NRXN1: variants seen among roughly 807,000 people sequenced by gnomAD.
NRXN1 encodes neurexin-1.
In NRXN1, 39 loss-of-function variants were observed where a neutral mutation model predicts 150.9. The observed-to-expected ratio is 0.26, with a 90% confidence interval of 0.20 to 0.34. The LOEUF (loss-of-function observed/expected upper bound fraction) is 0.34, where lower values mean the gene tolerates loss of function less well. NRXN1 is among the 10% of genes least tolerant of loss of function. The pLI is 1.00. For missense variants in NRXN1, 1,815 were observed against 1,949.9 expected (o/e 0.93, Z 1.30); for synonymous variants, 924 against 757.0 (o/e 1.22, Z -3.62).
chr2:49,973,835 A>G lies in NRXN1; in HGVS notation c.4129-30044T>C, dbSNP rs1439527693. ...TTCAAGAAGAAATATTTTAACATAAATCTTAAAATTAGTTTATCCAAATGA... is the reference window on the plus strand; with the variant it reads ...TTCAAGAAGAAATATTTTAACATAAGTCTTAAAATTAGTTTATCCAAATGA... On this transcript the variant is annotated intron_variant, in intron 21 of 22. Coordinates refer to ENST00000401669, the MANE Select transcript of NRXN1 (RefSeq NM_001330078.2). 8.5e-6 allele frequency: 5 copies of G among 589,040 alleles called. No individual in the cohort carries two copies. The African/African-American group carries it at 9.3e-5, about 11-fold the overall frequency. 36.5% of individuals were successfully genotyped at this position (589,040 alleles called of 1,614,324 possible).
intron 5 of NRXN1, among the ~76,000 whole-genome samples, chr2:50,702,926 T>G (rs1354733116): frequency 4.6e-5 from 7 of 152,114 alleles, no homozygotes; most frequent in Admixed American, 3.9e-4. Context: ...CAGGATGCCC[T>G]TTTTGTTTTG....
At chr2:50,278,067 C>CTTTTT (rs548030464) in intron 17 of NRXN1, among the ~76,000 whole-genome samples, 1 of 75,748 alleles carries the variant, frequency 1.3e-5, no homozygotes, top group African/African-American at 5.7e-5. Flanking sequence ...TTCTCTCTCT[C>CTTTTT]TTTTTTTTTT....
chr2:50,157,576 G>A (rs560039223), intron 18 of NRXN1, among the ~76,000 whole-genome samples: 11 of 152,114 alleles, frequency 7.2e-5, no homozygotes, highest in African/African-American at 1.4e-4. Context: ...GCCCTGAGCT[G>A]TGTTTTTAAG....
intron 5 of NRXN1, among the ~76,000 whole-genome samples, chr2:50,693,584 G>A (rs1010188290): frequency 3.9e-4 from 60 of 152,066 alleles, no homozygotes; most frequent in African/African-American, 8.9e-4. Context: ...AAATAAATAC[G>A]TTGAATCAAT....
chr2:50,856,018 G>A (rs1023960510), intron 5 of NRXN1, among the ~76,000 whole-genome samples: 2 of 147,668 alleles, frequency 1.4e-5, no homozygotes, highest in Admixed American at 6.8e-5. Flanking sequence ...AACAGAACAC[G>A]AGTAGCCTTT....
chr2:50,629,234 T>C (rs563715752), intron 5 of NRXN1, among the ~76,000 whole-genome samples: 31 of 151,756 alleles, frequency 2.0e-4, no homozygotes, highest in African/African-American at 7.5e-4. Flanking sequence ...CAACCAATAA[T>C]AGAATGGATA....
chr2:50,983,544 A>C (rs1347065265), intron 2 of NRXN1, among the ~76,000 whole-genome samples: 6 of 152,130 alleles, frequency 3.9e-5, no homozygotes, highest in African/African-American at 1.4e-4. Flanking sequence ...GATCTCTTCA[A>C]ACACAGGACA....
chr2:50,435,338 A>C (rs1412152191), intron 17 of NRXN1, among the ~76,000 whole-genome samples: 1 of 152,228 alleles, frequency 6.6e-6, no homozygotes, highest in Non-Finnish European at 1.5e-5. Context: ...TACATTATGC[A>C]AACTATAAAA....
intron 2 of NRXN1, among the ~76,000 whole-genome samples, chr2:50,994,037 A>G (rs950944525): frequency 6.6e-6 from 1 of 151,932 alleles, no homozygotes; most frequent in Admixed American, 6.6e-5. Context: ...TTTGTTTACC[A>G]TGTTCTCTGT....
intron 5 of NRXN1, among the ~76,000 whole-genome samples, chr2:50,634,243 A>G (rs1365082462): frequency 1.3e-5 from 2 of 152,226 alleles, no homozygotes; most frequent in Admixed American, 1.3e-4. Context: ...TGTGGAAAAT[A>G]AACTCTGCGT....
At chr2:50,327,194 A>G (rs114528893) in intron 17 of NRXN1, among the ~76,000 whole-genome samples, 1,867 of 152,330 alleles carry the variant, frequency 0.012, 36 homozygotes, top group African/African-American at 0.043. Flanking sequence ...CATACAATGG[A>G]ATATGACTCA....
At chr2:49,962,624 TA>T (rs1676178018) in intron 21 of NRXN1, among the ~76,000 whole-genome samples, 1 of 152,000 alleles carries the variant, frequency 6.6e-6, no homozygotes. Flanking sequence ...TGATGGAGAG[TA>T]ACACAAGGGA....
chr2:50,091,129 T>G (rs976910155), intron 19 of NRXN1, among the ~76,000 whole-genome samples, 194 bp downstream of exon 19: 1 of 152,220 alleles, frequency 6.6e-6, no homozygotes. Context: ...CTTCACGTTC[T>G]CCTATAAAAT....
chr2:50,204,341 C>CGTGTGT lies in NRXN1; in HGVS notation c.3546+32442_3546+32447dup, dbSNP rs70946895. On this transcript the variant is annotated intron_variant, in intron 18 of 22. Transcript: ENST00000401669. ...TTTGAAATAAAAATATAAGAAATAC[C>CGTGTGT]GTGTGTGTGTGTGTGTGTGTGTGTG... 6.8e-3 allele frequency among the ~76,000 whole-genome samples: 757 copies of CGTGTGT among 111,464 alleles called. 4 individuals are homozygous for CGTGTGT. Among genetic ancestry groups the CGTGTGT allele is most frequent in the Non-Finnish European group, 0.011 (607 of 53,114 alleles). 73.1% of individuals were successfully genotyped at this position (111,464 alleles called of 152,430 possible). A position where few individuals can be genotyped will look rare whatever the true frequency, so the allele number is the denominator to read the frequency against.
In NRXN1 at chr2:50,331,670, G is replaced by C. The variant is rs368183466; in HGVS notation, c.3365-94700C>G. On this transcript the variant is annotated intron_variant, in intron 17 of 22. Coordinates refer to ENST00000401669, the MANE Select transcript of NRXN1 (RefSeq NM_001330078.2). ...AACAGCAATTGATCACTAATGTGAA[G>C]GTATCAGGTTTTAGGTAACTTCCAA... Among the ~76,000 whole-genome samples the C allele has an allele frequency of 8.5e-5, 13 of 152,260 alleles. No individual in the cohort carries two copies. The South Asian group carries it at 2.7e-3, about 32-fold the overall frequency.
intron 17 of NRXN1, among the ~76,000 whole-genome samples, chr2:50,336,343 G>A (rs1217473136): frequency 2.0e-5 from 3 of 152,186 alleles, no homozygotes. Flanking sequence ...TAAGAAATGA[G>A]TAGTAGAGAT....
intron 9 of NRXN1, among the ~76,000 whole-genome samples, chr2:50,548,601 T>C (rs957576677): frequency 1.3e-5 from 2 of 152,174 alleles, no homozygotes; most frequent in African/African-American, 4.8e-5. Context: ...TTTTAATCTT[T>C]AGTTTTTCTT....
At chr2:50,762,927 C>A (rs1301987954) in intron 5 of NRXN1, among the ~76,000 whole-genome samples, 1 of 151,944 alleles carries the variant, frequency 6.6e-6, no homozygotes, top group Non-Finnish European at 1.5e-5. Context: ...GTGGTGCAAG[C>A]TTCTTGCTTT....
At chr2:50,314,837 C>T (rs926585923) in intron 17 of NRXN1, among the ~76,000 whole-genome samples, 1 of 151,846 alleles carries the variant, frequency 6.6e-6, no homozygotes, top group African/African-American at 2.4e-5. Context: ...TGGCCTGAGC[C>T]TTGGGGTGTT....
Sources: gnomAD v4.1 joint callset for allele counts (sites outside exome capture counted in the v4.1 genomes callset) on GRCh38, gnomAD v4.1.1 for gene constraint, MANE v1.5 for transcripts, NCBI Gene and HGNC (gene_info 2026-07-23, HGNC 2026-07-21) for gene names.